The following BCL2L13 variants were observed in gnomAD, a reference collection of about 807,000 sequenced individuals.
BCL2L13 encodes bcl-2-like protein 13.
A neutral mutation model predicts 25.8 loss-of-function variants in BCL2L13; 13 were observed. That is an observed-to-expected ratio of 0.50 (90% CI 0.33 to 0.80). The LOEUF (loss-of-function observed/expected upper bound fraction) is 0.80. Among genes scored for constraint, BCL2L13 ranks in the 30% least tolerant of loss-of-function variants. The pLI is 0.02. For missense variants in BCL2L13, 504 were observed against 574.9 expected (o/e 0.88, Z 1.26); for synonymous variants, 244 against 230.3 (o/e 1.06, Z -0.54).
intron 2 of BCL2L13, among the ~76,000 whole-genome samples, chr22:17,668,612 G>T (rs138564219): frequency 6.6e-6 from 1 of 151,772 alleles, no homozygotes; most frequent in Non-Finnish European, 1.5e-5. Flanking sequence ...CACCACAGGC[G>T]TGCACCACGA....
chr22:17,631,258 C>T (rs559572365), intron 1 of BCL2L13, among the ~76,000 whole-genome samples: 8 of 151,594 alleles, frequency 5.3e-5, no homozygotes, highest in East Asian at 2.0e-4. Context: ...CACCACGCCC[C>T]GCTAATTTTT....
At chr22:17,635,642 A>G (rs1286273859), upstream of BCL2L13, among the ~76,000 whole-genome samples, 1 of 152,176 alleles carries the variant, frequency 6.6e-6, no homozygotes, top group East Asian at 1.9e-4. Context: ...TTAGGAGGCC[A>G]AGATGGGAGA....
upstream of BCL2L13, among the ~76,000 whole-genome samples, chr22:17,637,835 A>G (rs2058139201): frequency 6.6e-6 from 1 of 152,188 alleles, no homozygotes; most frequent in South Asian, 2.1e-4. Flanking sequence ...TTCCTTTAGA[A>G]TAGCCTTGTT....
At chr22:17,639,258 G>T (rs566371988) in intron 1 of BCL2L13, among the ~76,000 whole-genome samples, 2 of 152,360 alleles carry the variant, frequency 1.3e-5, no homozygotes, top group East Asian at 3.9e-4. Flanking sequence ...CTTTTTGGTT[G>T]AGGGAAAGGT....
rs141842486 is a variant in BCL2L13 at position 17,696,142 on chromosome 22, C to G, written c.388C>G (p.Pro130Ala). The change falls in exon 5 of 7, where the codon CCA (proline) becomes GCA (alanine). Residue 130 changes from proline (P) to alanine (A), a missense_variant and splice_region_variant. Physicochemically the swap from Pro to Ala is conservative, Grantham distance 27. Transcript: ENST00000317582. ...AGACTTTTAAAAAAATCTCTACAGG[C>G]CAGTGACATATCAGGCATTTCGGGA... ...HKALQMLLSQ[P>A]VTYQAFRECT... 2.4e-5 allele frequency: 38 copies of G among 1,612,756 alleles called. No homozygotes were observed. In the East Asian group the frequency reaches 8.5e-4, roughly 36 times the overall value.
At chr22:17,638,229 ACTTC>A (rs2058146972), upstream of BCL2L13, 1 of 155,584 alleles carries the variant, frequency 6.4e-6, no homozygotes, top group South Asian at 2.1e-4. Context: ...ACTAGTTAAG[ACTTC>A]CTTCATGCCC....
In BCL2L13 at chr22:17,704,452, G is replaced by T. The variant is rs752942695; in HGVS notation, c.600+2066G>T. On this transcript the variant is annotated intron_variant, in intron 6 of 6. Transcript: ENST00000317582. ...TCCAATCTGTATTTCACATTGTTCG[G>T]TCTAAGCTCTCCATTTGCTTGTGTT... Among the ~76,000 whole-genome samples, 23 of 151,914 alleles carry T rather than the reference G, an allele frequency of 1.5e-4. 1 individual carries two copies. Among genetic ancestry groups the T allele is most frequent in the Non-Finnish European group, 2.1e-4 (14 of 67,992 alleles).
chr22:17,718,087 G>T (rs558834966), intron 6 of BCL2L13, among the ~76,000 whole-genome samples: 1 of 144,676 alleles, frequency 6.9e-6, no homozygotes, highest in Non-Finnish European at 1.5e-5. Flanking sequence ...ACCCTGGCTC[G>T]AAAAGAAGAG....
At chr22:17,659,644 G>A (rs571706282) in intron 2 of BCL2L13, among the ~76,000 whole-genome samples, 1 of 144,356 alleles carries the variant, frequency 6.9e-6, no homozygotes, top group Non-Finnish European at 1.6e-5. Flanking sequence ...CTGGGCGACA[G>A]AACGAGACTC....
At chr22:17,694,634 G>A (rs2060209932) in intron 4 of BCL2L13, among the ~76,000 whole-genome samples, 1 of 151,784 alleles carries the variant, frequency 6.6e-6, no homozygotes, top group Non-Finnish European at 1.5e-5. Context: ...CTTCCTCATT[G>A]AAATCTAGTG....
chr22:17,633,362 T>C (rs2058059611), intron 1 of BCL2L13, among the ~76,000 whole-genome samples: 1 of 152,204 alleles, frequency 6.6e-6, no homozygotes, highest in South Asian at 2.1e-4. Context: ...GGGAAAAAGT[T>C]GTTATGAATA....
chr22:17,719,826 T>TC (rs2061054008), intron 6 of BCL2L13, among the ~76,000 whole-genome samples: 3 of 17,370 alleles, frequency 1.7e-4, no homozygotes. Flanking sequence ...AGACTCCATC[T>TC]CAAAAAAAAA....
intron 6 of BCL2L13, among the ~76,000 whole-genome samples, chr22:17,711,034 TG>T (rs1296068105): frequency 5.3e-5 from 8 of 151,878 alleles, no homozygotes; most frequent in Non-Finnish European, 1.2e-4. Flanking sequence ...TTCAATCTTT[TG>T]TTAACTTTGA....
intron 6 of BCL2L13, among the ~76,000 whole-genome samples, chr22:17,711,033 T>G (rs180689693): frequency 1.3e-5 from 2 of 151,854 alleles, no homozygotes; most frequent in Non-Finnish European, 2.9e-5. Context: ...CTTCAATCTT[T>G]TGTTAACTTT....
intron 1 of BCL2L13, among the ~76,000 whole-genome samples, chr22:17,648,176 C>T (rs747409890): frequency 2.6e-5 from 4 of 151,926 alleles, no homozygotes; most frequent in Admixed American, 1.3e-4. Context: ...TTAGACACTG[C>T]AGAATGTTGC....
At chr22:17,644,138 C>T (rs560035666) in intron 1 of BCL2L13, among the ~76,000 whole-genome samples, 3 of 150,250 alleles carry the variant, frequency 2.0e-5, no homozygotes, top group African/African-American at 5.0e-5. Context: ...CTCGAACTCC[C>T]GACCTTAGGT....
upstream of BCL2L13, among the ~76,000 whole-genome samples, chr22:17,635,248 TA>T (rs2058086075): frequency 6.7e-6 from 1 of 150,204 alleles, no homozygotes; most frequent in African/African-American, 2.5e-5. Flanking sequence ...AAAAATTAAA[TA>T]AAAAAGGGCC....
intron 6 of BCL2L13, among the ~76,000 whole-genome samples, chr22:17,711,082 T>C (rs1277264908): frequency 6.6e-6 from 1 of 151,190 alleles, no homozygotes; most frequent in Non-Finnish European, 1.5e-5. Flanking sequence ...GGCGTGGTGG[T>C]GCGGTGGCTC....
chr22:17,693,372 G>GTTTGTTTT (rs1284865411), intron 4 of BCL2L13, among the ~76,000 whole-genome samples: 2 of 70,612 alleles, frequency 2.8e-5, no homozygotes, highest in South Asian at 5.3e-4. Context: ...TTTAGTGTTT[G>GTTTGTTTT]TTTTTTTTTT....
Sources: allele counts gnomAD v4.1 joint callset (sites outside exome capture counted in the v4.1 genomes callset), GRCh38; gene constraint gnomAD v4.1.1; transcripts MANE v1.5; gene names NCBI Gene and HGNC (gene_info 2026-07-23, HGNC 2026-07-21).